TUBD1: variants seen among roughly 807,000 people sequenced by gnomAD.
TUBD1 encodes tubulin delta 1.
TUBD1 carries 38 observed loss-of-function variants against 51.2 expected under a neutral mutation model. That is an observed-to-expected ratio of 0.74 (90% CI 0.57 to 0.97). The LOEUF (loss-of-function observed/expected upper bound fraction) is 0.97, where lower values mean the gene tolerates loss of function less well. Ranked by LOEUF, TUBD1 falls within the 50% of genes least tolerant of loss-of-function variation. The pLI is 0.00. For synonymous variants in TUBD1, 169 were observed against 178.2 expected, an observed-to-expected ratio of 0.95 and a Z score of 0.41; for missense variants, 489 against 538.4, an observed-to-expected ratio of 0.91 and a Z score of 0.91.
At chr17:59,869,193 C>T (rs573929213) in intron 6 of TUBD1, among the ~76,000 whole-genome samples, 3 of 151,702 alleles carry the variant, frequency 2.0e-5, no homozygotes, top group Admixed American at 2.0e-4. Context: ...TGCTGACACC[C>T]GGCCGGGCAT....
intron 7 of TUBD1, among the ~76,000 whole-genome samples, chr17:59,864,687 G>A (rs1568279362): frequency 1.3e-5 from 2 of 152,138 alleles, no homozygotes; most frequent in African/African-American, 4.8e-5. Context: ...TTGTAGAGAT[G>A]GGGTCTCACT....
intron 3 of TUBD1, among the ~76,000 whole-genome samples, chr17:59,884,244 G>C (rs1388987982): frequency 4.7e-5 from 7 of 147,572 alleles, no homozygotes; most frequent in African/African-American, 1.8e-4. Flanking sequence ...CTGGGCAACA[G>C]AGCAAGACTC....
chr17:59,862,498 T>C (rs994602882), intron 8 of TUBD1, among the ~76,000 whole-genome samples: 1 of 151,914 alleles, frequency 6.6e-6, no homozygotes, highest in African/African-American at 2.4e-5. Context: ...TTGAGGAACA[T>C]AAGGATCTTC....
chr17:59,882,313 T>C (rs2040524954), intron 3 of TUBD1, among the ~76,000 whole-genome samples: 6 of 152,198 alleles, frequency 3.9e-5, no homozygotes, highest in Admixed American at 3.9e-4. Flanking sequence ...AGGCGGAGTC[T>C]CGCTCTGTCG....
At chr17:59,877,584 A>G (rs540056226) in intron 5 of TUBD1, among the ~76,000 whole-genome samples, 2 of 152,300 alleles carry the variant, frequency 1.3e-5, no homozygotes, top group East Asian at 3.9e-4. Context: ...CCTGGCCAAC[A>G]TGGTGAAACT....
intron 5 of TUBD1, among the ~76,000 whole-genome samples, chr17:59,877,742 C>T (rs967175914): frequency 2.0e-5 from 3 of 149,858 alleles, no homozygotes; most frequent in Admixed American, 6.7e-5. Context: ...CGTACCACTG[C>T]ACTCCAGCCT....
Position 59,877,732 on chromosome 17 carries a change from C to T in TUBD1, c.769+371G>A, listed in dbSNP as rs562172584. The stretch of plus-strand genomic sequence containing the variant: ...GGCAGAGGTTGCAGTGAGTCAAGAT[C>T]GTACCACTGCACTCCAGCCTGGGCA... On this transcript the variant is annotated intron_variant, in intron 5 of 8. Transcript: ENST00000325752. Among the ~76,000 whole-genome samples the T allele has an allele frequency of 4.7e-5, 7 of 150,254 alleles. No homozygotes were observed. The East Asian group carries it at 9.8e-4, about 21-fold the overall frequency.
chr17:59,868,108 CAAAAAAAAA>C (rs35401242), intron 6 of TUBD1, among the ~76,000 whole-genome samples: 9 of 26,802 alleles, frequency 3.4e-4, no homozygotes, highest in South Asian at 4.2e-3. Context: ...ACTAAAAATA[CAAAAAAAAA>C]AAAAAAAAAA....
chr17:59,870,024 T>G (rs562233913), intron 6 of TUBD1, among the ~76,000 whole-genome samples: 67 of 152,142 alleles, frequency 4.4e-4, no homozygotes, highest in African/African-American at 1.5e-3. Flanking sequence ...GCTAAAAATT[T>G]TGCCCACAAT....
At chr17:59,865,935 AC>A (rs1187494613) in intron 7 of TUBD1, among the ~76,000 whole-genome samples, 1 of 151,768 alleles carries the variant, frequency 6.6e-6, no homozygotes, top group East Asian at 2.0e-4. Context: ...ACATGGAGAA[AC>A]CCCGTCTCTA....
In TUBD1 at chr17:59,880,945, G is replaced by T. The variant is rs768313018; in HGVS notation, c.486C>A (p.Tyr162Ter). ...AFVTQNLEDQ[Y>*]SNSLKMNQII... The stretch of plus-strand genomic sequence containing the variant: ...TCTGATTCATTTTCAATGAGTTTGA[G>T]TACTGATCTTCTAAATTCTGTGTAA... The change falls in exon 4 of 9, where the codon TAC becomes TAA. Residue 162 changes from tyrosine (Y) to a stop codon, truncating the protein, a stop_gained. Coordinates refer to ENST00000325752, the MANE Select transcript of TUBD1 (RefSeq NM_016261.4). LOFTEE classifies it high-confidence loss of function. 6.2e-6 allele frequency: 10 copies of T among 1,613,966 alleles called. No individual in the cohort carries two copies. Among genetic ancestry groups the T allele is most frequent in the Non-Finnish European group, 8.5e-6 (10 of 1,180,032 alleles).
At position 59,860,431 on chromosome 17, in the gene TUBD1, G is replaced by GAAA; in HGVS notation, c.1260-10_1260-8dup. The GAAA allele has an allele frequency of 6.7e-4, 778 of 1,153,928 alleles. No homozygotes were observed. The highest frequency in any genetic ancestry group is 1.7e-3 in the South Asian group (120 of 70,746). 71.5% of individuals were successfully genotyped at this position (1,153,928 alleles called of 1,614,324 possible). On this transcript the variant is annotated splice_region_variant and splice_polypyrimidine_tract_variant and intron_variant, in intron 8 of 8. Transcript: ENST00000325752. Reference sequence around the variant, plus strand: ...GTACTGATGAATGTAGGCTCTGGTAGAAAAAAAAAAAAAACAGAAATTACA... The same window carrying GAAA: ...GTACTGATGAATGTAGGCTCTGGTAGAAAAAAAAAAAAAAAAACAGAAATTACA...
At chr17:59,870,479 C>T (rs2039934661) in intron 6 of TUBD1, among the ~76,000 whole-genome samples, 1 of 151,666 alleles carries the variant, frequency 6.6e-6, no homozygotes, top group Non-Finnish European at 1.5e-5. Context: ...TTCCCCACTC[C>T]CTGCAGTAGG....
Position 59,862,714 on chromosome 17 carries a change from A to ATTTTTTTT in TUBD1, c.1259+942_1259+949dup, listed in dbSNP as rs71145582. On this transcript the variant is annotated intron_variant, in intron 8 of 8. Transcript: ENST00000325752. Reference sequence around the variant, plus strand: ...ACCACTATGCCAAGCTAATTTTTGTATTTTTTTTTTTTTTTTTTTTTTTTT... The same window carrying ATTTTTTTT: ...ACCACTATGCCAAGCTAATTTTTGTATTTTTTTTTTTTTTTTTTTTTTTTTTTTTTTTT... Among the ~76,000 whole-genome samples, 36 of 56,990 alleles carry ATTTTTTTT rather than the reference A, an allele frequency of 6.3e-4. 2 individuals carry two copies. The highest frequency in any genetic ancestry group is 8.2e-4 in the Non-Finnish European group (26 of 31,524). The allele number at this position is 56,990 out of a possible 152,430, so 37.4% of individuals were successfully genotyped here.
intron 6 of TUBD1, among the ~76,000 whole-genome samples, chr17:59,869,855 A>G (rs1360655191): frequency 6.6e-6 from 1 of 152,184 alleles, no homozygotes; most frequent in African/African-American, 2.4e-5. Flanking sequence ...TACACATGAC[A>G]GACTGAGCAT....
chr17:59,869,941 C>T (rs2039901863), intron 6 of TUBD1, among the ~76,000 whole-genome samples: 2 of 151,998 alleles, frequency 1.3e-5, no homozygotes, highest in South Asian at 2.1e-4. Flanking sequence ...AAAAAAGGAA[C>T]AGGAGAGAAT....
chr17:59,868,959 T>C (rs1272493769), intron 6 of TUBD1, among the ~76,000 whole-genome samples: 4 of 149,854 alleles, frequency 2.7e-5, no homozygotes, highest in East Asian at 2.0e-4. Context: ...TGAGGCTGCA[T>C]TGAGCTATGA....
chr17:59,889,065 G>C (rs1490295154), intron 2 of TUBD1, among the ~76,000 whole-genome samples: 2 of 136,220 alleles, frequency 1.5e-5, no homozygotes, highest in Non-Finnish European at 3.1e-5. Context: ...TCCCAGGCTG[G>C]AGTGCAGTGG....
At chr17:59,885,269 G>T in intron 3 of TUBD1, 1 of 567,242 alleles carries the variant, frequency 1.8e-6, no homozygotes. Flanking sequence ...AGGGATCCAT[G>T]GTATAGCTGG....
Sources: gnomAD v4.1 joint callset for allele counts (sites outside exome capture counted in the v4.1 genomes callset) on GRCh38, gnomAD v4.1.1 for gene constraint, MANE v1.5 for transcripts, NCBI Gene and HGNC (gene_info 2026-07-23, HGNC 2026-07-21) for gene names.